Variants in RALYL observed in about 807,000 individuals in gnomAD.
The protein encoded by RALYL is RALY RNA binding protein like.
Under a neutral mutation model 35.1 loss-of-function variants are expected in RALYL, and 29 were observed. The ratio of observed to expected loss-of-function variants is 0.83; its 90% CI spans 0.61 to 1.13. The LOEUF is 1.13. Ranked by LOEUF, RALYL falls within the 50% of genes most tolerant of loss-of-function variation. The pLI, the probability that RALYL is intolerant of heterozygous loss-of-function variation, is 0.00. For missense variants in RALYL, 359 were observed against 360.4 expected, an observed-to-expected ratio of 1.00 and a Z score of 0.03; for synonymous variants, 120 against 127.6, an observed-to-expected ratio of 0.94 and a Z score of 0.40.
chr8:84,337,192 G>A (rs1250630887), intron 1 of RALYL, among the ~76,000 whole-genome samples: 2 of 151,692 alleles, frequency 1.3e-5, no homozygotes. Flanking sequence ...AGTGTTTGGT[G>A]CATATTTGAT....
intron 1 of RALYL, among the ~76,000 whole-genome samples, chr8:84,518,615 G>A (rs555343542): frequency 3.3e-5 from 5 of 152,064 alleles, no homozygotes; most frequent in African/African-American, 1.2e-4. Context: ...CATTCAAGTT[G>A]GTAGGAAGAA....
chr8:84,706,648 C>T (rs1415946482), intron 2 of RALYL, among the ~76,000 whole-genome samples: 2 of 152,098 alleles, frequency 1.3e-5, no homozygotes, highest in Admixed American at 6.6e-5. Flanking sequence ...GCAGTCTTCC[C>T]TAAAGGAACT....
chr8:84,802,602 A>AAAAT (rs1554595596), intron 3 of RALYL, among the ~76,000 whole-genome samples: 1 of 152,158 alleles, frequency 6.6e-6, no homozygotes, highest in African/African-American at 2.4e-5. Flanking sequence ...CCTTCAAAAA[A>AAAAT]AAAGAGAGAG....
intron 2 of RALYL, among the ~76,000 whole-genome samples, chr8:84,547,813 A>G (rs1397257896): frequency 6.6e-6 from 1 of 152,124 alleles, no homozygotes; most frequent in African/African-American, 2.4e-5. Context: ...CATTTTTGAG[A>G]GTTGAGTTCT....
chr8:84,428,100 TCTCTCTCACACACACACACACA>T (rs2046717348), intron 1 of RALYL, among the ~76,000 whole-genome samples: 1 of 134,790 alleles, frequency 7.4e-6, no homozygotes, highest in African/African-American at 2.9e-5. Flanking sequence ...TCTCTCTCTC[TCTCTCTCACACACACACACACA>T]CACACACACA....
intron 6 of RALYL, among the ~76,000 whole-genome samples, chr8:84,866,325 C>T (rs775388557): frequency 1.3e-5 from 2 of 152,082 alleles, no homozygotes; most frequent in African/African-American, 4.8e-5. Context: ...CCTTTAACCC[C>T]TATATACCTC....
At chr8:84,579,371 C>A (rs888668476) in intron 2 of RALYL, among the ~76,000 whole-genome samples, 5 of 152,268 alleles carry the variant, frequency 3.3e-5, no homozygotes, top group Admixed American at 6.5e-5. Context: ...CCCAAGAGTG[C>A]AGGGATCCCT....
At chr8:84,576,044 A>G (rs1173669116) in intron 2 of RALYL, among the ~76,000 whole-genome samples, 1 of 152,192 alleles carries the variant, frequency 6.6e-6, no homozygotes, top group Non-Finnish European at 1.5e-5. Flanking sequence ...ATAAAGTAAA[A>G]AGAATATTTT....
Position 84,629,735 on chromosome 8 carries a change from T to TAA in RALYL, c.256+100159_256+100160insAA, listed in dbSNP as rs1483830590. Among the ~76,000 whole-genome samples, 4 of 152,156 alleles carry TAA rather than the reference T, an allele frequency of 2.6e-5. No homozygotes were observed. The East Asian group carries it at 7.7e-4, about 29-fold the overall frequency. On this transcript the variant is annotated intron_variant, in intron 2 of 8. Coordinates refer to ENST00000521268, the MANE Select transcript of RALYL (RefSeq NM_173848.7). ...TTTCATAGACTAAAGCTTGAAAGGT[T>TAA]ATGCACTACAATACTGAAAGTGGTT...
In RALYL at chr8:84,416,757, C is replaced by T. The variant is rs183542773; in HGVS notation, c.-23-112542C>T. On this transcript the variant is annotated intron_variant, in intron 1 of 8. Coordinates refer to ENST00000521268, the MANE Select transcript of RALYL (RefSeq NM_173848.7). Reference sequence around the variant, plus strand: ...TCAGAAAACAAAATATTAATAGTGACCTTTTTACTCCTAAATGCATTCTAG... The same window carrying T: ...TCAGAAAACAAAATATTAATAGTGATCTTTTTACTCCTAAATGCATTCTAG... Among the ~76,000 whole-genome samples, 6 of 152,148 alleles carry T rather than the reference C, an allele frequency of 3.9e-5. No individual in the cohort carries two copies. The East Asian group carries it at 1.2e-3, about 29-fold the overall frequency.
In RALYL at chr8:84,335,709, C is replaced by CTTT. The variant is rs548185561; in HGVS notation, c.-24+151302_-24+151304dup. Among the ~76,000 whole-genome samples, 6 of 85,222 alleles carry CTTT rather than the reference C, an allele frequency of 7.0e-5. 2 individuals carry two copies. Among genetic ancestry groups the CTTT allele is most frequent in the Admixed American group, 1.4e-4 (1 of 6,924 alleles). 55.9% of individuals were successfully genotyped at this position (85,222 alleles called of 152,430 possible). On this transcript the variant is annotated intron_variant, in intron 1 of 8. Transcript: ENST00000521268. ...ATTTCTAATATATGTGTTTTCTTAC[C>CTTT]TTTTTTTTTTTTTTTTTTTCCAAGA... is the stretch of plus-strand genomic sequence containing the variant.
At chr8:84,818,405 C>A (rs995901079) in intron 4 of RALYL, among the ~76,000 whole-genome samples, 1 of 151,998 alleles carries the variant, frequency 6.6e-6, no homozygotes, top group East Asian at 1.9e-4. Flanking sequence ...ATTTCCAAGA[C>A]AAAAGTAGGA....
chr8:84,470,038 C>T (rs747145952), intron 1 of RALYL, among the ~76,000 whole-genome samples: 1 of 152,176 alleles, frequency 6.6e-6, no homozygotes. Flanking sequence ...CGCCCACTGT[C>T]TGGCACTTCC....
At chr8:84,644,011 AG>A (rs1358898042) in intron 2 of RALYL, among the ~76,000 whole-genome samples, 2 of 152,062 alleles carry the variant, frequency 1.3e-5, no homozygotes, top group Non-Finnish European at 2.9e-5. Flanking sequence ...TTTTAAGGCT[AG>A]CACCTGGGAC....
chr8:84,446,268 C>T (rs747142575), intron 1 of RALYL, among the ~76,000 whole-genome samples: 1 of 151,646 alleles, frequency 6.6e-6, no homozygotes, highest in Non-Finnish European at 1.5e-5. Context: ...AATGGGAATA[C>T]CCATAATGAG....
chr8:84,189,571 T>C (rs961811061), intron 1 of RALYL, among the ~76,000 whole-genome samples: 3 of 152,062 alleles, frequency 2.0e-5, no homozygotes, highest in Non-Finnish European at 4.4e-5. Flanking sequence ...GATTAGATAA[T>C]AGTATTATTT....
At chr8:84,191,147 G>A (rs1813753325) in intron 1 of RALYL, among the ~76,000 whole-genome samples, 1 of 150,280 alleles carries the variant, frequency 6.7e-6, no homozygotes, top group Admixed American at 6.7e-5. Context: ...GAGGGCTGTT[G>A]TTCCCAGGAT....
chr8:84,683,003 A>G (rs1414323196), intron 2 of RALYL, among the ~76,000 whole-genome samples: 2 of 152,088 alleles, frequency 1.3e-5, no homozygotes, highest in African/African-American at 4.8e-5. Flanking sequence ...CCCTCTACAC[A>G]CTGCTTTGAA....
chr8:84,618,033 A>G (rs1371500338), intron 2 of RALYL, among the ~76,000 whole-genome samples: 1 of 151,802 alleles, frequency 6.6e-6, no homozygotes, highest in Non-Finnish European at 1.5e-5. Context: ...ATGTTCATCA[A>G]GGATATTGGT....
Sources: gnomAD v4.1 joint callset for allele counts (sites outside exome capture counted in the v4.1 genomes callset) on GRCh38, gnomAD v4.1.1 for gene constraint, MANE v1.5 for transcripts, NCBI Gene and HGNC (gene_info 2026-07-23, HGNC 2026-07-21) for gene names.